The following IKBKB variants were observed in gnomAD, a reference collection of about 807,000 sequenced individuals.
IKBKB encodes inhibitor of nuclear factor kappa B kinase subunit beta, also known as inhibitor of nuclear factor kappa-B kinase subunit beta.
A neutral mutation model predicts 113.6 loss-of-function variants in IKBKB; 42 were observed. That is an observed-to-expected ratio of 0.37 (90% CI 0.29 to 0.48). The LOEUF is 0.48. Among genes scored for constraint, IKBKB ranks in the 20% least tolerant of loss-of-function variants. IKBKB has a pLI of 0.99. For missense variants in IKBKB, 673 were observed against 939.7 expected, an observed-to-expected ratio of 0.72 and a Z score of 3.71; for synonymous variants, 296 against 361.3, an observed-to-expected ratio of 0.82 and a Z score of 2.05.
intron 2 of IKBKB, among the ~76,000 whole-genome samples, chr8:42,277,431 C>G (rs1809406717): frequency 6.6e-6 from 1 of 151,522 alleles, no homozygotes; most frequent in African/African-American, 2.4e-5. Flanking sequence ...GATCTGCCCA[C>G]CTTGGCCTCC....
intron 2 of IKBKB, among the ~76,000 whole-genome samples, chr8:42,273,926 G>A (rs1395019884): frequency 6.6e-6 from 1 of 152,138 alleles, no homozygotes; most frequent in Admixed American, 6.6e-5. Flanking sequence ...GATACATAAT[G>A]TGTAATGATC....
chr8:42,302,073 A>C (rs1312309177), intron 5 of IKBKB, among the ~76,000 whole-genome samples: 2 of 152,246 alleles, frequency 1.3e-5, no homozygotes, highest in South Asian at 2.1e-4. Flanking sequence ...ATCAGTTAAC[A>C]GACACTTTGA....
intron 19 of IKBKB, chr8:42,325,222 C>G: frequency 1.0e-6 from 1 of 985,468 alleles, no homozygotes; most frequent in Non-Finnish European, 1.2e-6. Flanking sequence ...CTGCTTGACC[C>G]TTCGGGCTGG....
intron 8 of IKBKB, among the ~76,000 whole-genome samples, chr8:42,310,519 A>G (rs537494292): frequency 1.3e-5 from 2 of 152,346 alleles, no homozygotes. Context: ...GGTCCTGCAC[A>G]TGCTTTCAAG....
intron 5 of IKBKB, among the ~76,000 whole-genome samples, chr8:42,299,535 C>T (rs952438631): frequency 5.3e-5 from 8 of 151,404 alleles, no homozygotes; most frequent in East Asian, 1.9e-4. Flanking sequence ...AGAACCCACC[C>T]GCCAATCTCT....
chr8:42,311,152 T>G (rs138158503), intron 8 of IKBKB, among the ~76,000 whole-genome samples: 1 of 152,260 alleles, frequency 6.6e-6, no homozygotes, highest in Non-Finnish European at 1.5e-5. Context: ...GTGTGGACAC[T>G]GCCCCTTTCA....
intron 2 of IKBKB, chr8:42,272,447 T>C (rs1455803280): frequency 1.7e-6 from 1 of 599,546 alleles, no homozygotes; most frequent in African/African-American, 1.9e-5. Flanking sequence ...TCTTAGTCTC[T>C]ATTATATATA....
intron 5 of IKBKB, among the ~76,000 whole-genome samples, chr8:42,295,116 C>CTTTTT (rs903163193): frequency 2.6e-5 from 3 of 113,800 alleles, no homozygotes; most frequent in Non-Finnish European, 5.5e-5. Context: ...TTACGAAAGT[C>CTTTTT]TTTTTTTTTT....
At chr8:42,279,962 C>G (rs779686711) in intron 2 of IKBKB, among the ~76,000 whole-genome samples, 13 of 152,202 alleles carry the variant, frequency 8.5e-5, no homozygotes, top group Non-Finnish European at 1.5e-4. Flanking sequence ...AGTCCTCCCA[C>G]TTCAGCCTCC....
chr8:42,314,480 A>T (rs1200260456), intron 9 of IKBKB, 51 bp downstream of exon 9: 1 of 1,260,204 alleles, frequency 7.9e-7, no homozygotes. Context: ...CTTTTTTTAG[A>T]AATACAAGTC....
rs577244995 is a variant in IKBKB, at chr8:42,282,398, AG to A, written c.106-6235del. Among the ~76,000 whole-genome samples, 11 of 152,284 alleles carry A rather than the reference AG, an allele frequency of 7.2e-5. No individual in the cohort carries two copies. The South Asian group carries it at 2.3e-3, about 32-fold the overall frequency. The stretch of plus-strand genomic sequence containing the variant: ...TTAAAAATATTTTTAGTAGAGACAG[AG>A]TCTTGCCATATTGCCCAGGCTGGTC... On this transcript the variant is annotated intron_variant, in intron 2 of 21. Coordinates refer to ENST00000520810, the MANE Select transcript of IKBKB (RefSeq NM_001556.3).
At chr8:42,303,120 TGAGAGAGAGAGAGAGAG>T (rs1815732560) in intron 5 of IKBKB, among the ~76,000 whole-genome samples, 1 of 63,734 alleles carries the variant, frequency 1.6e-5, no homozygotes, top group Non-Finnish European at 3.2e-5. Flanking sequence ...AGAGAGAGAA[TGAGAGAGAGAGAGAGAG>T]GAGAGAGAAT....
rs894813595 is a variant in IKBKB at position 42,290,138 on chromosome 8, C to T, written c.201-18C>T. ...GGCAGGAGCCTGGGTCTGCTCTCAT[C>T]GGTTTTCCTCCTCCTAGGCTGACCC... On this transcript the variant is annotated intron_variant, in intron 3 of 21. Coordinates refer to ENST00000520810, the MANE Select transcript of IKBKB (RefSeq NM_001556.3). 7.6e-6 allele frequency: 12 copies of T among 1,581,538 alleles called. No individual in the cohort carries two copies. The highest frequency in any genetic ancestry group is 1.7e-4 in the Middle Eastern group (1 of 5,964).
At chr8:42,318,038 G>A (rs1819025549) in intron 12 of IKBKB, among the ~76,000 whole-genome samples, 1 of 152,098 alleles carries the variant, frequency 6.6e-6, no homozygotes, top group African/African-American at 2.4e-5. Context: ...GAGGCAGGAG[G>A]ATCACTTGAG....
intron 20 of IKBKB, among the ~76,000 whole-genome samples, chr8:42,326,752 A>G (rs1820816426): frequency 6.6e-6 from 1 of 152,192 alleles, no homozygotes; most frequent in African/African-American, 2.4e-5. Flanking sequence ...GTCCTGCTGG[A>G]GACCTCACTT....
At chr8:42,298,099 T>TTA (rs1554516156) in intron 5 of IKBKB, 1 of 985,434 alleles carries the variant, frequency 1.0e-6, no homozygotes, top group African/African-American at 1.7e-5. Flanking sequence ...TGGACTCTAT[T>TTA]TAAACAGTCT....
intron 8 of IKBKB, chr8:42,309,418 G>C: frequency 2.7e-6 from 1 of 368,162 alleles, no homozygotes; most frequent in Non-Finnish European, 5.4e-6. Context: ...ATTTGTTGTT[G>C]ACAAATGTTA....
At position 42,305,661 on chromosome 8, in the gene IKBKB, G is replaced by A. The variant is rs759961095; in HGVS notation, c.477+386G>A. Among the ~76,000 whole-genome samples the A allele has an allele frequency of 2.3e-3, 356 of 152,354 alleles. 1 individual carries two copies. The highest frequency in any genetic ancestry group is 6.8e-3 in the Middle Eastern group (2 of 294). ...AGTTGGTTGTGGATGTGGCTGGGAAGAGGCACTGGGAGCTGGCCTCTGCTG... is the reference window on the plus strand; with the variant it reads ...AGTTGGTTGTGGATGTGGCTGGGAAAAGGCACTGGGAGCTGGCCTCTGCTG... On this transcript the variant is annotated intron_variant, in intron 6 of 21. Transcript: ENST00000520810.
At chr8:42,327,020 C>G (rs571248307) in intron 20 of IKBKB, among the ~76,000 whole-genome samples, 6 of 152,230 alleles carry the variant, frequency 3.9e-5, no homozygotes, top group African/African-American at 1.4e-4. Context: ...CGAAAACATT[C>G]TGAAACTAGA....
Sources: allele counts gnomAD v4.1 joint callset (sites outside exome capture counted in the v4.1 genomes callset), GRCh38; gene constraint gnomAD v4.1.1; transcripts MANE v1.5; gene names NCBI Gene and HGNC (gene_info 2026-07-23, HGNC 2026-07-21).